Variants in USP50 observed in about 807,000 individuals in gnomAD.
The protein encoded by USP50 is ubiquitin specific peptidase 50.
Under a neutral mutation model 39.2 loss-of-function variants are expected in USP50, and 37 were observed. The ratio of observed to expected loss-of-function variants is 0.94; its 90% CI spans 0.73 to 1.24. The LOEUF is 1.24. USP50 is among the 50% of genes most tolerant of loss of function. The pLI, the probability that USP50 is intolerant of heterozygous loss-of-function variation, is 0.00. For missense variants in USP50, 374 were observed against 398.2 expected (o/e 0.94, Z 0.52); for synonymous variants, 139 against 144.5 (o/e 0.96, Z 0.27).
intron 6 of USP50, among the ~76,000 whole-genome samples, chr15:50,522,964 C>A (rs2052861569): frequency 6.6e-6 from 1 of 151,880 alleles, no homozygotes; most frequent in Admixed American, 6.6e-5. Context: ...CACTTCTTTT[C>A]AGCATAGTAC....
intron 6 of USP50, among the ~76,000 whole-genome samples, chr15:50,521,166 C>T (rs545543106): frequency 7.2e-5 from 11 of 152,040 alleles, no homozygotes; most frequent in South Asian, 4.1e-4. Context: ...CTCAGCCTCC[C>T]GAGTAGCTGG....
chr15:50,518,697 G>A lies in USP50; in HGVS notation c.936+11100C>T, dbSNP rs922419982. Among the ~76,000 whole-genome samples, 30 of 150,554 alleles carry A rather than the reference G, an allele frequency of 2.0e-4. No homozygotes were observed. In the South Asian group the frequency reaches 2.5e-3, roughly 13 times the overall value. On this transcript the variant is annotated intron_variant, in intron 6 of 6. Transcript: ENST00000532404. ...ATGACTTAAACATAAGACCTGAAAC[G>A]ATAAAACTACTAGAAGATAACACAA...
At chr15:50,539,954 C>G (rs2053015756) in intron 4 of USP50, among the ~76,000 whole-genome samples, 1 of 152,146 alleles carries the variant, frequency 6.6e-6, no homozygotes, top group Admixed American at 6.5e-5. Context: ...TGCAGAGGAG[C>G]CACTAGCACC....
At chr15:50,494,102 C>T (rs779948124) in exon 2 of USP50, 1 of 1,609,408 alleles carries the variant, frequency 6.2e-7, no homozygotes, top group South Asian at 1.1e-5. Context: ...GGTGAAGTGG[C>T]AGAAGAATTT....
intron 6 of USP50, among the ~76,000 whole-genome samples, chr15:50,516,374 G>T (rs2052803640): frequency 6.6e-6 from 1 of 152,200 alleles, no homozygotes. Context: ...GCCGAGGCAG[G>T]TGGATCACGA....
chr15:50,511,010 C>T (rs1290255704), intron 6 of USP50: 2 of 152,208 alleles, frequency 1.3e-5, no homozygotes, highest in African/African-American at 2.4e-5. Flanking sequence ...GATCTCCTGA[C>T]CTCGTGATCC....
intron 6 of USP50, among the ~76,000 whole-genome samples, chr15:50,525,658 A>ATATGTG (rs1566907696): frequency 0.032 from 3,428 of 107,260 alleles, 472 homozygotes; most frequent in Middle Eastern, 0.049. Context: ...ATGTATATGT[A>ATATGTG]TATATGTATA....
At chr15:50,510,361 T>C (rs1263271131) in intron 6 of USP50, 3 of 152,074 alleles carry the variant, frequency 2.0e-5, no homozygotes. Context: ...TAGAAAAGAT[T>C]GATGTTCCAA....
chr15:50,525,440 A>G (rs760329464), intron 6 of USP50, among the ~76,000 whole-genome samples: 8 of 151,494 alleles, frequency 5.3e-5, no homozygotes, highest in Non-Finnish European at 7.4e-5. Flanking sequence ...GGAATATGTT[A>G]GCTTGATTTA....
chr15:50,517,521 T>C (rs1028306765), intron 6 of USP50, among the ~76,000 whole-genome samples: 1 of 151,254 alleles, frequency 6.6e-6, no homozygotes, highest in African/African-American at 2.4e-5. Flanking sequence ...ACTTTTCCAA[T>C]CACAATGGCA....
downstream of USP50, chr15:50,500,443 C>A: frequency 4.3e-6 from 1 of 232,472 alleles, no homozygotes; most frequent in Middle Eastern, 1.7e-3. Context: ...ATTAGCATTG[C>A]ATTATATTCA....
At chr15:50,545,855 A>G (rs1487709601) in intron 1 of USP50, among the ~76,000 whole-genome samples, 1 of 151,888 alleles carries the variant, frequency 6.6e-6, no homozygotes, top group Non-Finnish European at 1.5e-5. Context: ...TCTGCCTGAT[A>G]GGATGGTTGT....
At chr15:50,546,031 G>A (rs1026931001) in intron 1 of USP50, among the ~76,000 whole-genome samples, 1 of 151,382 alleles carries the variant, frequency 6.6e-6, no homozygotes, top group Non-Finnish European at 1.5e-5. Flanking sequence ...AACACTGAGG[G>A]TTCCAAACGG....
chr15:50,537,077 T>G (rs2052985387), intron 5 of USP50, among the ~76,000 whole-genome samples: 1 of 151,920 alleles, frequency 6.6e-6, no homozygotes, highest in South Asian at 2.1e-4. Context: ...AATGTGGTAT[T>G]GGTGAAAAAA....
At chr15:50,503,818 T>C (rs938319542) in intron 6 of USP50, 8 of 152,182 alleles carry the variant, frequency 5.3e-5, no homozygotes, top group Admixed American at 3.3e-4. Flanking sequence ...CCCAATGAAG[T>C]TGAGATCACA....
At chr15:50,533,471 G>C (rs3105597) in intron 5 of USP50, among the ~76,000 whole-genome samples, 27,531 of 151,718 alleles carry the variant, frequency 0.18, 3,224 homozygotes, top group East Asian at 0.47. Context: ...AAGCCAGAGT[G>C]GGGGGGAAAA....
intron 3 of USP50, among the ~76,000 whole-genome samples, chr15:50,542,464 T>G (rs182644117): frequency 0.011 from 1,632 of 150,064 alleles, 31 homozygotes; most frequent in Non-Finnish European, 0.013. Context: ...ATGTTTTTGT[T>G]TTTTTTTTTC....
intron 5 of USP50, among the ~76,000 whole-genome samples, chr15:50,531,150 A>C (rs994082668): frequency 6.6e-6 from 1 of 152,170 alleles, no homozygotes; most frequent in African/African-American, 2.4e-5. Flanking sequence ...TGTGTCAGAA[A>C]GCAAGATACC....
At chr15:50,525,149 G>A (rs1340399767) in intron 6 of USP50, among the ~76,000 whole-genome samples, 5 of 152,126 alleles carry the variant, frequency 3.3e-5, no homozygotes, top group Non-Finnish European at 5.9e-5. Flanking sequence ...AGGACATTAT[G>A]CTAAGTGAAA....
Sources: gnomAD v4.1 joint callset for allele counts (sites outside exome capture counted in the v4.1 genomes callset) on GRCh38, gnomAD v4.1.1 for gene constraint, MANE v1.5 for transcripts, NCBI Gene and HGNC (gene_info 2026-07-23, HGNC 2026-07-21) for gene names.